The following RAB3C variants were observed in gnomAD, a reference collection of about 807,000 sequenced individuals.
The protein encoded by RAB3C is ras-related protein Rab-3C.
In RAB3C, 17 loss-of-function variants were observed where a neutral mutation model predicts 26.4. That is an observed-to-expected ratio of 0.64 (90% CI 0.44 to 0.97). RAB3C has a LOEUF of 0.97. RAB3C is among the 50% of genes least tolerant of loss of function. The pLI is 0.00. For synonymous variants in RAB3C, 91 were observed against 95.9 expected (o/e 0.95, Z 0.30); for missense variants, 242 against 281.9 (o/e 0.86, Z 1.01).
chr5:58,799,295 G>A (rs925655103), intron 3 of RAB3C, among the ~76,000 whole-genome samples: 7 of 152,120 alleles, frequency 4.6e-5, no homozygotes, highest in Non-Finnish European at 8.8e-5. Context: ...GTCCACAGCT[G>A]AGGAACTGAA....
At chr5:58,818,360 T>G (rs912131200) in intron 3 of RAB3C, among the ~76,000 whole-genome samples, 2 of 152,254 alleles carry the variant, frequency 1.3e-5, no homozygotes, top group African/African-American at 4.8e-5. Context: ...TCAAAAGCTC[T>G]TTTATCTTGA....
At chr5:58,790,679 T>C (rs546585835) in intron 3 of RAB3C, among the ~76,000 whole-genome samples, 192 of 152,298 alleles carry the variant, frequency 1.3e-3, no homozygotes, top group African/African-American at 4.6e-3. Flanking sequence ...ATTGCACTTT[T>C]TCAGAGGTTC....
Position 58,839,959 on chromosome 5 carries a change from T to C in RAB3C, c.497-11205T>C, listed in dbSNP as rs559636053. On this transcript the variant is annotated intron_variant, in intron 4 of 4. Transcript: ENST00000282878. ...TTAAATATATTATTCCATTCCCTCC[T>C]GTCCTATAGGGGTTCTGTGAGAATT... is the stretch of plus-strand genomic sequence containing the variant. 6.6e-5 allele frequency among the ~76,000 whole-genome samples: 10 copies of C among 151,688 alleles called. No individual in the cohort carries two copies. In the South Asian group the frequency reaches 2.1e-3, roughly 32 times the overall value.
At chr5:58,713,295 C>A (rs756715074) in intron 2 of RAB3C, among the ~76,000 whole-genome samples, 16 of 152,070 alleles carry the variant, frequency 1.1e-4, no homozygotes, top group Admixed American at 5.2e-4. Context: ...AATGCAGGAA[C>A]CATTTTTACC....
At position 58,852,773 on chromosome 5, in the gene RAB3C, G is replaced by A. The variant is rs550394225; in HGVS notation, c.*1422G>A. 6 of 152,316 alleles carry A rather than the reference G, an allele frequency of 3.9e-5. No homozygotes were observed. In the East Asian group the frequency reaches 1.2e-3, roughly 29 times the overall value. 9.4% of individuals were successfully genotyped at this position (152,316 alleles called of 1,614,324 possible). On this transcript the variant is annotated 3_prime_UTR_variant, in exon 5 of 5. Coordinates refer to ENST00000282878, the MANE Select transcript of RAB3C (RefSeq NM_138453.4). Reference sequence around the variant, plus strand: ...CAGCATTATTTAAAGCTAGGATTTAGGAAGGAAGCAGGAATTATTTGGCAG... The same window carrying A: ...CAGCATTATTTAAAGCTAGGATTTAAGAAGGAAGCAGGAATTATTTGGCAG...
chr5:58,689,625 T>C (rs1377352353), intron 2 of RAB3C, among the ~76,000 whole-genome samples: 2 of 152,066 alleles, frequency 1.3e-5, no homozygotes, highest in Non-Finnish European at 2.9e-5. Context: ...GTGAAGACAA[T>C]GAGGCTTGAC....
intron 1 of RAB3C, among the ~76,000 whole-genome samples, chr5:58,597,764 T>C (rs1418062724): frequency 1.8e-4 from 21 of 114,578 alleles, no homozygotes; most frequent in African/African-American, 7.5e-4. Context: ...TATAAGTATA[T>C]AACATATAAT....
intron 2 of RAB3C, among the ~76,000 whole-genome samples, chr5:58,699,072 C>A (rs189348264): frequency 0.05 from 7,582 of 151,970 alleles, 630 homozygotes; most frequent in African/African-American, 0.17. Context: ...TTTTATCTAT[C>A]TTTGGTCTTT....
chr5:58,635,286 T>C (rs1209135319), intron 2 of RAB3C, among the ~76,000 whole-genome samples: 3 of 152,218 alleles, frequency 2.0e-5, no homozygotes, highest in Non-Finnish European at 4.4e-5. Context: ...AGGAAGACTG[T>C]CTTGTTTTGT....
intron 3 of RAB3C, among the ~76,000 whole-genome samples, chr5:58,739,937 G>GA (rs556451000): frequency 1.6e-3 from 250 of 152,328 alleles, no homozygotes; most frequent in African/African-American, 5.6e-3. Context: ...GGTAGGAGAG[G>GA]AAAGAGATGT....
chr5:58,780,059 A>C (rs1486408279), intron 3 of RAB3C, among the ~76,000 whole-genome samples: 3 of 152,138 alleles, frequency 2.0e-5, no homozygotes, highest in Non-Finnish European at 4.4e-5. Context: ...GAACATCAGA[A>C]AGGTATTTCC....
chr5:58,839,433 C>T (rs1237761318), intron 4 of RAB3C, among the ~76,000 whole-genome samples: 1 of 151,688 alleles, frequency 6.6e-6, no homozygotes, highest in Non-Finnish European at 1.5e-5. Flanking sequence ...TGCAATGGCA[C>T]AATCTTGGCT....
chr5:58,696,686 T>C (rs2111870375), intron 2 of RAB3C, among the ~76,000 whole-genome samples: 1 of 152,370 alleles, frequency 6.6e-6, no homozygotes, highest in Admixed American at 6.5e-5. Context: ...CCATTTCTTC[T>C]AGATTTTCTA....
chr5:58,710,445 A>G (rs1406065778), intron 2 of RAB3C, among the ~76,000 whole-genome samples: 1 of 151,720 alleles, frequency 6.6e-6, no homozygotes. Flanking sequence ...CTAAAAATAC[A>G]AAAATTAGCC....
At chr5:58,584,639 T>A (rs935850918) in intron 1 of RAB3C, among the ~76,000 whole-genome samples, 2 of 152,162 alleles carry the variant, frequency 1.3e-5, no homozygotes, top group African/African-American at 4.8e-5. Flanking sequence ...AATTGTAGAC[T>A]TTAAAAGTAG....
chr5:58,853,179 C>A lies in RAB3C; in HGVS notation c.*1828C>A, dbSNP rs1744152156. ...GTTTTATTAGTTTTTAATGGGGCAA[C>A]CAACTTCAAAATCACAGGAATTACA... On this transcript the variant is annotated 3_prime_UTR_variant, in exon 5 of 5. Transcript: ENST00000282878. 1 of 152,108 alleles carries A rather than the reference C, an allele frequency of 6.6e-6. No individual in the cohort carries two copies. The highest frequency in any genetic ancestry group is 2.1e-4 in the South Asian group (1 of 4,820). The allele number at this position is 152,108 out of a possible 1,614,324, so 9.4% of individuals were successfully genotyped here.
chr5:58,684,405 C>T (rs1748404815), intron 2 of RAB3C, among the ~76,000 whole-genome samples: 1 of 152,150 alleles, frequency 6.6e-6, no homozygotes, highest in South Asian at 2.1e-4. Context: ...TTTATCACTT[C>T]TTTTGAGGCA....
intron 2 of RAB3C, among the ~76,000 whole-genome samples, chr5:58,662,393 C>T (rs996099738): frequency 4.0e-5 from 6 of 150,058 alleles, no homozygotes; most frequent in Non-Finnish European, 8.8e-5. Flanking sequence ...ATAAGCCTTA[C>T]AGCAGATTCT....
intron 1 of RAB3C, among the ~76,000 whole-genome samples, chr5:58,594,442 TC>T (rs750740149): frequency 6.6e-6 from 1 of 152,208 alleles, no homozygotes; most frequent in Non-Finnish European, 1.5e-5. Flanking sequence ...GTGGGTTTGT[TC>T]TTTGTAATAA....
Sources: allele counts gnomAD v4.1 joint callset (sites outside exome capture counted in the v4.1 genomes callset), GRCh38; gene constraint gnomAD v4.1.1; transcripts MANE v1.5; gene names NCBI Gene and HGNC (gene_info 2026-07-23, HGNC 2026-07-21).